ZNF407: variants seen among roughly 807,000 people sequenced by gnomAD.
The protein encoded by ZNF407 is zinc finger protein 407.
ZNF407 carries 17 observed loss-of-function variants against 131.2 expected under a neutral mutation model. The observed-to-expected ratio is 0.13, with a 90% CI of 0.09 to 0.19. The LOEUF is 0.19. Ranked by LOEUF, ZNF407 falls within the 10% of genes least tolerant of loss-of-function variation. The pLI, the probability that ZNF407 is intolerant of heterozygous loss-of-function variation, is 1.00. For missense variants in ZNF407, 2,681 were observed against 2,830.6 expected, an observed-to-expected ratio of 0.95 and a Z score of 1.20; for synonymous variants, 1,156 against 1,062.0, an observed-to-expected ratio of 1.09 and a Z score of -1.72.
At chr18:74,788,196 A>G (rs1421709679) in intron 4 of ZNF407, among the ~76,000 whole-genome samples, 1 of 152,172 alleles carries the variant, frequency 6.6e-6, no homozygotes, top group Admixed American at 6.5e-5. Flanking sequence ...TTATGTCCGC[A>G]ATATATTTTA....
Position 75,042,551 on chromosome 18 carries a change from C to G in ZNF407, c.5429-20599C>G, listed in dbSNP as rs187186870. Among the ~76,000 whole-genome samples the G allele has an allele frequency of 4.5e-4, 68 of 152,342 alleles. 1 individual carries two copies. Among genetic ancestry groups the G allele is most frequent in the African/African-American group, 1.5e-3 (63 of 41,584 alleles). ...TTTGACAGGAAATGATTGGCACACTCTTCTGTGCTTATATGGAGTGCATTT... is the reference window on the plus strand; with the variant it reads ...TTTGACAGGAAATGATTGGCACACTGTTCTGTGCTTATATGGAGTGCATTT... On this transcript the variant is annotated intron_variant, in intron 8 of 8. Coordinates refer to ENST00000299687, the MANE Select transcript of ZNF407 (RefSeq NM_017757.3).
intron 3 of ZNF407, among the ~76,000 whole-genome samples, chr18:74,671,308 G>A (rs896440674): frequency 3.9e-5 from 6 of 151,984 alleles, no homozygotes; most frequent in Non-Finnish European, 8.8e-5. Flanking sequence ...TCTGTTGTAC[G>A]GATGGACCAC....
chr18:74,806,216 G>T (rs1021127042), intron 4 of ZNF407, among the ~76,000 whole-genome samples: 16 of 152,224 alleles, frequency 1.1e-4, no homozygotes, highest in African/African-American at 3.9e-4. Flanking sequence ...TGGCTAGGCC[G>T]CGCCCCTTAC....
intron 8 of ZNF407, among the ~76,000 whole-genome samples, chr18:74,966,794 T>C (rs1972414939): frequency 6.6e-6 from 1 of 151,564 alleles, no homozygotes; most frequent in African/African-American, 2.4e-5. Context: ...TCCATGAATG[T>C]GGAATATGTT....
chr18:75,015,656 G>A (rs909961145), intron 8 of ZNF407, among the ~76,000 whole-genome samples: 2 of 150,702 alleles, frequency 1.3e-5, no homozygotes, highest in Non-Finnish European at 3.0e-5. Context: ...CCCATCTCTA[G>A]TGACTGACAA....
Position 74,632,370 on chromosome 18 carries a change from A to G in ZNF407, c.1351A>G (p.Arg451Gly). The change falls in exon 2 of 9, where the codon AGA becomes GGA. Residue 451 changes from arginine (R) to glycine (G), a missense_variant. Arg to Gly is a moderately radical substitution (Grantham distance 125). Coordinates refer to ENST00000299687, the MANE Select transcript of ZNF407 (RefSeq NM_017757.3). Reference sequence around the variant, plus strand: ...AAGGTTTAATCTTTTAGGAATTAAAAGAGGTACAAGTGAAACTCAGAGGAT... The same window carrying G: ...AAGGTTTAATCTTTTAGGAATTAAAGGAGGTACAAGTGAAACTCAGAGGAT... ...KKRFNLLGIK[R>G]GTSETQRMYM... is the part of the protein sequence containing the mutation. The G allele has an allele frequency of 6.2e-7, 1 of 1,614,036 alleles. No homozygotes were observed. The highest frequency in any genetic ancestry group is 8.5e-7 in the Non-Finnish European group (1 of 1,179,904).
At chr18:74,794,036 A>C (rs937787968) in intron 4 of ZNF407, among the ~76,000 whole-genome samples, 32 of 152,134 alleles carry the variant, frequency 2.1e-4, no homozygotes, top group Non-Finnish European at 4.4e-4. Flanking sequence ...TTTTGATAGA[A>C]AGTTGCCAAC....
At chr18:74,943,097 T>C (rs2404484) in intron 8 of ZNF407, among the ~76,000 whole-genome samples, 5,563 of 151,828 alleles carry the variant, frequency 0.037, 370 homozygotes, top group African/African-American at 0.13. Flanking sequence ...TTTGTACTTT[T>C]AGTAGAGACG....
chr18:74,627,768 TTTTCTCTCTTTCTCTCTCTCTCTCTC>T (rs1234452701), intron 1 of ZNF407, among the ~76,000 whole-genome samples: 2 of 143,726 alleles, frequency 1.4e-5, no homozygotes, highest in African/African-American at 2.8e-5. Context: ...GTTTGTTCAG[TTTTCTCTCTTTCTCTCTCTCTCTCTC>T]TTTCTCTCTT....
At chr18:75,049,098 T>TTTTG (rs1568311603) in intron 8 of ZNF407, among the ~76,000 whole-genome samples, 1 of 39,628 alleles carries the variant, frequency 2.5e-5, no homozygotes, top group Non-Finnish European at 4.7e-5. Flanking sequence ...TTTTTTTTTT[T>TTTTG]GGGTGGGGGG....
At chr18:74,971,598 A>G (rs566974231) in intron 8 of ZNF407, among the ~76,000 whole-genome samples, 1 of 152,280 alleles carries the variant, frequency 6.6e-6, no homozygotes, top group Non-Finnish European at 1.5e-5. Flanking sequence ...CCTCATCTCC[A>G]TCTGAGACCA....
intron 4 of ZNF407, among the ~76,000 whole-genome samples, chr18:74,832,010 T>C (rs1970491890): frequency 6.6e-6 from 1 of 152,230 alleles, no homozygotes; most frequent in South Asian, 2.1e-4. Context: ...ATTTGTAACA[T>C]GAAGCCTTGG....
At chr18:74,923,008 CTGTT>C (rs1971866987) in intron 8 of ZNF407, among the ~76,000 whole-genome samples, 1 of 152,202 alleles carries the variant, frequency 6.6e-6, no homozygotes, top group African/African-American at 2.4e-5. Context: ...TGTATGTAAA[CTGTT>C]TGACATGATC....
rs1358485438 is a variant in ZNF407, at chr18:75,064,034, G to A, written c.6313G>A (p.Val2105Met). The A allele has an allele frequency of 1.9e-6, 3 of 1,602,226 alleles. No individual in the cohort carries two copies. The highest frequency in any genetic ancestry group is 2.6e-6 in the Non-Finnish European group (3 of 1,175,020). Residue 2105 changes from valine to methionine, a missense_variant, in exon 9 of 9, where the codon GTG (valine) becomes ATG (methionine). Val to Met is a conservative substitution (Grantham distance 21). Transcript: ENST00000299687. The stretch of plus-strand genomic sequence containing the variant: ...GTTGGTCAAGGACGGTGTCACCCAG[G>A]TGGTGGTGAGCGAAGAGGGTGCCGT... ...GQLVKDGVTQ[V>M]VVSEEGAVHM...
chr18:74,944,234 T>C (rs1972130658), intron 8 of ZNF407, among the ~76,000 whole-genome samples: 1 of 152,202 alleles, frequency 6.6e-6, no homozygotes, highest in African/African-American at 2.4e-5. Flanking sequence ...TTTTTTTAAT[T>C]TAAAAAGTCT....
chr18:74,870,963 A>T (rs1363230053), intron 4 of ZNF407, among the ~76,000 whole-genome samples: 1 of 152,224 alleles, frequency 6.6e-6, no homozygotes, highest in African/African-American at 2.4e-5. Flanking sequence ...AAAGTCTACA[A>T]GCAGTATTGT....
intron 3 of ZNF407, among the ~76,000 whole-genome samples, chr18:74,676,528 C>T (rs979694583): frequency 2.6e-5 from 4 of 151,766 alleles, no homozygotes; most frequent in Admixed American, 2.6e-4. Context: ...GCTCCGCCTC[C>T]CGGGTTCACG....
At chr18:75,004,240 C>G (rs1349322263) in intron 8 of ZNF407, among the ~76,000 whole-genome samples, 1 of 152,152 alleles carries the variant, frequency 6.6e-6, no homozygotes, top group South Asian at 2.1e-4. Flanking sequence ...AGAATAAGAG[C>G]GTCTCTAGGA....
chr18:74,953,605 G>A (rs114960436), intron 8 of ZNF407, among the ~76,000 whole-genome samples: 1,652 of 152,246 alleles, frequency 0.011, 33 homozygotes, highest in African/African-American at 0.037. Context: ...CCCACACTCC[G>A]TAACGCTAGG....
Sources: allele counts gnomAD v4.1 joint callset (sites outside exome capture counted in the v4.1 genomes callset), GRCh38; gene constraint gnomAD v4.1.1; transcripts MANE v1.5; gene names NCBI Gene and HGNC (gene_info 2026-07-23, HGNC 2026-07-21).